Variants in TARS1 observed in about 807,000 individuals in gnomAD.
TARS1 encodes threonine--tRNA ligase 1, cytoplasmic.
A neutral mutation model predicts 97.7 loss-of-function variants in TARS1; 57 were observed. The observed-to-expected ratio is 0.58, with a 90% confidence interval of 0.47 to 0.73. The LOEUF is 0.73. Ranked by LOEUF, TARS1 falls within the 30% of genes least tolerant of loss-of-function variation. The probability of loss-of-function intolerance (pLI) is 0.00; values close to 1 mark genes in which losing one functional copy is unlikely to be tolerated. For synonymous variants in TARS1, 312 were observed against 293.7 expected, an observed-to-expected ratio of 1.06 and a Z score of -0.64; for missense variants, 806 against 888.3, an observed-to-expected ratio of 0.91 and a Z score of 1.18.
chr5:33,454,930 T>G lies in TARS1; in HGVS notation c.454-15T>G. ...GCCAAGACTCAGACCATGCCATTTT[T>G]CTTTAAATTTTCAGGTGTATTGGCA... On this transcript the variant is annotated splice_polypyrimidine_tract_variant and intron_variant, in intron 4 of 18. Transcript: ENST00000265112. 2 of 1,612,386 alleles carry G rather than the reference T, an allele frequency of 1.2e-6. No individual in the cohort carries two copies. The highest frequency in any genetic ancestry group is 8.5e-7 in the Non-Finnish European group (1 of 1,179,216).
chr5:33,465,783 T>C (rs1742503021), intron 17 of TARS1, among the ~76,000 whole-genome samples: 1 of 152,232 alleles, frequency 6.6e-6, no homozygotes, highest in Admixed American at 6.5e-5. Flanking sequence ...GGTTTACACA[T>C]AACTCGCATT....
chr5:33,440,813 T>G (rs1430033823), upstream of TARS1: 1 of 538,820 alleles, frequency 1.9e-6, no homozygotes, highest in African/African-American at 1.9e-5. Context: ...CTGCAGTTGC[T>G]CCTCCTCACC....
At chr5:33,461,870 C>G in intron 14 of TARS1, 36 bp from the exon 15 acceptor site, 1 of 1,601,344 alleles carries the variant, frequency 6.2e-7, no homozygotes, top group Non-Finnish European at 8.6e-7. Context: ...TTTAGTATCA[C>G]TGGCATTTTA....
At chr5:33,456,930 G>C (rs1408488406) in intron 8 of TARS1, among the ~76,000 whole-genome samples, 1 of 152,228 alleles carries the variant, frequency 6.6e-6, no homozygotes, top group Non-Finnish European at 1.5e-5. Flanking sequence ...CTGAGTAGCT[G>C]CGACCATAAG....
chr5:33,455,462 C>T (rs1036406818), intron 5 of TARS1, 125 bp from the exon 6 acceptor site: 15 of 572,774 alleles, frequency 2.6e-5, no homozygotes, highest in Admixed American at 1.6e-4. Context: ...AGATACGATG[C>T]AATAGTCTAA....
chr5:33,453,767 T>C (rs1741876271), intron 4 of TARS1, among the ~76,000 whole-genome samples: 1 of 151,946 alleles, frequency 6.6e-6, no homozygotes, highest in African/African-American at 2.4e-5. Context: ...TCACTCAGAC[T>C]GTAGTGCAGT....
At chr5:33,451,007 TGGAGGCTGAGGTG>T (rs1334824157) in intron 3 of TARS1, among the ~76,000 whole-genome samples, 1 of 152,120 alleles carries the variant, frequency 6.6e-6, no homozygotes, top group Non-Finnish European at 1.5e-5. Flanking sequence ...CCCAACTACT[TGGAGGCTGAGGTG>T]GGAGGATAGC....
rs1741971636 is a variant in TARS1 at position 33,455,608 on chromosome 5, C to T, written c.597C>T (p.Phe199=). 6.2e-7 allele frequency: 1 copy of T among 1,611,302 alleles called. No individual in the cohort carries two copies. Among genetic ancestry groups the T allele is most frequent in the Non-Finnish European group, 8.5e-7 (1 of 1,178,072 alleles). Residue 199 remains phenylalanine (F), a synonymous_variant, in exon 6 of 19, where the codon TTC becomes TTT. Coordinates refer to ENST00000265112, the MANE Select transcript of TARS1 (RefSeq NM_152295.5). ...LEEGGVSSND[F]SSLEALCKKI... is the part of the protein sequence containing the mutation. ...TCAGGGGTGTGTCTAGCAATGATTT[C>T]TCTTCTCTGGAGGCTTTGTGTAAGA...
At chr5:33,450,935 C>T (rs923014702) in intron 3 of TARS1, among the ~76,000 whole-genome samples, 8 of 151,958 alleles carry the variant, frequency 5.3e-5, no homozygotes, top group African/African-American at 1.9e-4. Flanking sequence ...GCCAACATGG[C>T]GAAACCCTGT....
At chr5:33,442,689 A>G (rs540252685) in intron 1 of TARS1, among the ~76,000 whole-genome samples, 2 of 151,668 alleles carry the variant, frequency 1.3e-5, no homozygotes, top group Non-Finnish European at 2.9e-5. Context: ...TATTTTTAGT[A>G]GAGACGGGGT....
intron 11 of TARS1, 146 bp from the exon 12 acceptor site, chr5:33,460,756 C>A: frequency 1.2e-6 from 1 of 848,984 alleles, no homozygotes; most frequent in South Asian, 1.9e-5. Flanking sequence ...GCTTTTACTG[C>A]TGTATGTAGC....
chr5:33,462,248 C>A (rs780825206), intron 16 of TARS1, 45 bp downstream of exon 16: 3 of 1,528,152 alleles, frequency 2.0e-6, no homozygotes, highest in African/African-American at 1.4e-5. Flanking sequence ...TATAAATTGG[C>A]TACAAGAAAT....
intron 13 of TARS1, 63 bp downstream of exon 13, chr5:33,461,358 A>G: frequency 1.9e-6 from 3 of 1,559,204 alleles, no homozygotes; most frequent in Non-Finnish European, 2.6e-6. Context: ...CTGAGATGTA[A>G]GAAAGCCAAG....
At chr5:33,463,563 TCTC>T (rs1742393988) in intron 16 of TARS1, among the ~76,000 whole-genome samples, 187 bp from the exon 17 acceptor site, 1 of 152,206 alleles carries the variant, frequency 6.6e-6, no homozygotes, top group African/African-American at 2.4e-5. Flanking sequence ...TTAGTTTTCT[TCTC>T]CTGCATCTCC....
At chr5:33,445,471 C>CT in intron 2 of TARS1, 67 bp downstream of exon 2, 3 of 1,366,714 alleles carry the variant, frequency 2.2e-6, no homozygotes, top group South Asian at 2.4e-5. Context: ...CTTTCTGAGA[C>CT]TTTCCTAATG....
rs539865845 is a variant in TARS1, at chr5:33,446,421, A to T, written c.138+1017A>T. Among the ~76,000 whole-genome samples the T allele has an allele frequency of 2.0e-5, 3 of 152,370 alleles. No homozygotes were observed. In the East Asian group the frequency reaches 5.8e-4, roughly 29 times the overall value. ...CCCTAATTTCTTTTTTATACTTTCAATACAAACATACGTGCTGTTCCATCA... is the reference window on the plus strand; with the variant it reads ...CCCTAATTTCTTTTTTATACTTTCATTACAAACATACGTGCTGTTCCATCA... On this transcript the variant is annotated intron_variant, in intron 2 of 18. Coordinates refer to ENST00000265112, the MANE Select transcript of TARS1 (RefSeq NM_152295.5).
intron 1 of TARS1, among the ~76,000 whole-genome samples, chr5:33,444,771 A>C (rs1396823375): frequency 6.6e-6 from 1 of 152,160 alleles, no homozygotes. Context: ...CGCTAGTCCT[A>C]GCTTATTTGA....
chr5:33,442,951 ACTAATAAC>A (rs1265791135), intron 1 of TARS1, among the ~76,000 whole-genome samples: 1 of 152,096 alleles, frequency 6.6e-6, no homozygotes, highest in Non-Finnish European at 1.5e-5. Flanking sequence ...TATAGCCAAT[ACTAATAAC>A]CCCTGTGCTG....
intron 3 of TARS1, chr5:33,452,456 C>T (rs1390179816): frequency 6.5e-7 from 1 of 1,527,022 alleles, no homozygotes; most frequent in Admixed American, 2.0e-5. Flanking sequence ...GCTTTATCCT[C>T]AAAGCCTTTC....
Sources: gnomAD v4.1 joint callset for allele counts (sites outside exome capture counted in the v4.1 genomes callset) on GRCh38, gnomAD v4.1.1 for gene constraint, MANE v1.5 for transcripts, NCBI Gene and HGNC (gene_info 2026-07-23, HGNC 2026-07-21) for gene names.